PCDHA11: variants seen among roughly 807,000 people sequenced by gnomAD.
PCDHA11 encodes protocadherin alpha-11.
PCDHA11 carries 61 observed loss-of-function variants against 70.3 expected under a neutral mutation model. That is an observed-to-expected ratio of 0.87 (90% confidence interval 0.71 to 1.07). PCDHA11 has a LOEUF of 1.07. PCDHA11 is among the 50% of genes least tolerant of loss of function. The pLI is 0.00. For synonymous variants in PCDHA11, 633 were observed against 555.1 expected, an observed-to-expected ratio of 1.14 and a Z score of -1.97; for missense variants, 1,324 against 1,237.5, an observed-to-expected ratio of 1.07 and a Z score of -1.05.
rs2096830713 is a variant in PCDHA11 at position 140,978,969 on chromosome 5, C to G, written c.2412C>G (p.Asp804Glu). 4 of 1,614,092 alleles carry G rather than the reference C, an allele frequency of 2.5e-6. No homozygotes were observed. The highest frequency in any genetic ancestry group is 1.6e-4 in the Middle Eastern group (1 of 6,084). ...TGCAGCCACGACAGCCCAACCCTGACTGGCGTTACTCTGCCTCCCTGAGAG... is the reference window on the plus strand; with the variant it reads ...TGCAGCCACGACAGCCCAACCCTGAGTGGCGTTACTCTGCCTCCCTGAGAG... ...HPGQPRQPNP[D>E]WRYSASLRAG... The change falls in exon 2 of 4, where the codon GAC becomes GAG. Residue 804 changes from aspartate (D) to glutamate (E), a missense_variant. Coordinates refer to ENST00000398640, the MANE Select transcript of PCDHA11 (RefSeq NM_018902.5).
At chr5:140,998,769 G>A (rs1210690974) in intron 3 of PCDHA11, among the ~76,000 whole-genome samples, 1 of 152,054 alleles carries the variant, frequency 6.6e-6, no homozygotes, top group Non-Finnish European at 1.5e-5. Flanking sequence ...TCACTATGTT[G>A]GTCAGGCTGG....
intron 1 of PCDHA11, among the ~76,000 whole-genome samples, chr5:140,940,131 G>A (rs1443086111): frequency 7.2e-5 from 11 of 152,092 alleles, no homozygotes; most frequent in African/African-American, 2.4e-4. Context: ...ATTTCTGCTA[G>A]TGATAAACTA....
rs147537783 is a variant in PCDHA11 at position 140,982,491 on chromosome 5, G to C, written c.2467G>C (p.Glu823Gln). 1 of 1,614,076 alleles carries C rather than the reference G, an allele frequency of 6.2e-7. No individual in the cohort carries two copies. Among genetic ancestry groups the C allele is most frequent in the African/African-American group, 1.3e-5 (1 of 74,924 alleles). The change falls in exon 3 of 4, where the codon GAG becomes CAG. Residue 823 changes from glutamate to glutamine, a missense_variant. Physicochemically the swap from Glu to Gln is conservative, Grantham distance 29. Coordinates refer to ENST00000398640, the MANE Select transcript of PCDHA11 (RefSeq NM_018902.5). ...TTTATTCAGCTCTGTGCACCTAGAG[G>C]AGGCTGGCATTCTACGGGCTGGTCC... is the stretch of plus-strand genomic sequence containing the variant. ...AGMHSSVHLE[E>Q]AGILRAGPGG...
intron 1 of PCDHA11, chr5:140,928,426 TC>T (rs781827449): frequency 1.9e-6 from 3 of 1,614,134 alleles, no homozygotes; most frequent in South Asian, 2.2e-5. Context: ...TGCCAAAACT[TC>T]CTTTGACTTT....
chr5:140,969,264 C>T, intron 1 of PCDHA11: 1 of 1,614,208 alleles, frequency 6.2e-7, no homozygotes, highest in Non-Finnish European at 8.5e-7. Flanking sequence ...AGGAATCTCA[C>T]AGGCCAAAGT....
Position 141,010,327 on chromosome 5 carries a change from G to T in PCDHA11, c.*390G>T, listed in dbSNP as rs2098416942. 5 of 1,539,742 alleles carry T rather than the reference G, an allele frequency of 3.2e-6. No individual in the cohort carries two copies. The highest frequency in any genetic ancestry group is 2.4e-5 in the South Asian group (2 of 82,532). On this transcript the variant is annotated 3_prime_UTR_variant, in exon 4 of 4. Transcript: ENST00000398640. ...AAAGTTTTGAGATTGAGCAGCTTGGGAGTTTGTGGCCACTGGGTATGTGTG... is the reference window on the plus strand; with the variant it reads ...AAAGTTTTGAGATTGAGCAGCTTGGTAGTTTGTGGCCACTGGGTATGTGTG...
intron 1 of PCDHA11, among the ~76,000 whole-genome samples, chr5:140,972,712 G>T (rs1409880262): frequency 6.9e-6 from 1 of 144,630 alleles, no homozygotes; most frequent in East Asian, 2.0e-4. Context: ...TTGCCAGGCT[G>T]GAGTGCAGTG....
chr5:140,895,257 T>C (rs1180344268), intron 1 of PCDHA11, among the ~76,000 whole-genome samples: 2 of 152,212 alleles, frequency 1.3e-5, no homozygotes, highest in Non-Finnish European at 1.5e-5. Flanking sequence ...AGCTTTCTTT[T>C]TTTTCTTACT....
chr5:140,996,196 A>G (rs2097716509), intron 3 of PCDHA11, among the ~76,000 whole-genome samples: 2 of 152,216 alleles, frequency 1.3e-5, no homozygotes, highest in South Asian at 2.1e-4. Context: ...TATACCCTCA[A>G]TGCAAGGATA....
At chr5:140,924,318 G>A (rs550515387) in intron 1 of PCDHA11, among the ~76,000 whole-genome samples, 1 of 152,164 alleles carries the variant, frequency 6.6e-6, no homozygotes, top group East Asian at 1.9e-4. Context: ...AATTTTATCT[G>A]AGACTTGGTG....
intron 1 of PCDHA11, among the ~76,000 whole-genome samples, chr5:140,911,819 A>C (rs2075652599): frequency 6.6e-6 from 1 of 152,164 alleles, no homozygotes; most frequent in Admixed American, 6.6e-5. Context: ...CTTCTCCAGA[A>C]ACCCCAAAAC....
Position 140,959,365 on chromosome 5 carries a change from C to A in PCDHA11, c.2392-19584C>A, listed in dbSNP as rs77362755. On this transcript the variant is annotated intron_variant, in intron 1 of 3. Transcript: ENST00000398640. ...ACTCCAGCGGGACAACTGAGTGAGA[C>A]CCTGTCTCAAAAAAAAAAGTCACAA... Among the ~76,000 whole-genome samples the A allele has an allele frequency of 1.0e-3, 158 of 151,880 alleles. 5 individuals carry two copies. In the East Asian group the frequency reaches 0.028, roughly 27 times the overall value.
At chr5:140,924,244 C>G (rs1375839311) in intron 1 of PCDHA11, among the ~76,000 whole-genome samples, 1 of 152,152 alleles carries the variant, frequency 6.6e-6, no homozygotes, top group Non-Finnish European at 1.5e-5. Context: ...TGTTTTGCAT[C>G]CTGGTGAGAT....
chr5:140,940,208 A>C (rs1193106137), intron 1 of PCDHA11, among the ~76,000 whole-genome samples: 1 of 152,164 alleles, frequency 6.6e-6, no homozygotes, highest in Non-Finnish European at 1.5e-5. Context: ...AAAATTCAAG[A>C]TTGGCATTTA....
intron 1 of PCDHA11, among the ~76,000 whole-genome samples, chr5:140,961,949 T>G (rs868952671): frequency 2.0e-5 from 3 of 151,876 alleles, no homozygotes; most frequent in Non-Finnish European, 4.4e-5. Context: ...AGTGGCATGA[T>G]CTCGGCTCAC....
intron 1 of PCDHA11, among the ~76,000 whole-genome samples, chr5:140,977,958 C>T (rs1912706): frequency 0.036 from 5,518 of 152,194 alleles, 299 homozygotes; most frequent in African/African-American, 0.12. Context: ...AGGGCCACCT[C>T]AATCTCCGCC....
In PCDHA11 at chr5:140,870,544, G is replaced by T; in HGVS notation, c.1441G>T (p.Ala481Ser). ...CATCTTCACAGTGTCGGCGCGGGAC[G>T]CGGACGCGCAGGAGAACGCGCTGGT... ...CHIFTVSARD[A>S]DAQENALVSY... The change falls in exon 1 of 4, where the codon GCG becomes TCG. Residue 481 changes from alanine (A) to serine (S), a missense_variant. Transcript: ENST00000398640. The T allele has an allele frequency of 6.2e-7, 1 of 1,614,124 alleles. No homozygotes were observed.
rs564033882 is a variant in PCDHA11, at chr5:140,870,333, C to T, written c.1230C>T (p.Ser410=). 1.2e-6 allele frequency: 2 copies of T among 1,614,164 alleles called. No homozygotes were observed. Among genetic ancestry groups the T allele is most frequent in the South Asian group, 2.2e-5 (2 of 91,066 alleles). ...ATTACTACTCGTTGGTGCTGGACAGCGCCCTGGACCGCGAGAACGTGTGGG... is the reference window on the plus strand; with the variant it reads ...ATTACTACTCGTTGGTGCTGGACAGTGCCCTGGACCGCGAGAACGTGTGGG... ...FKNYYSLVLD[S]ALDRENVWAY... Residue 410 remains serine (S), a synonymous_variant, in exon 1 of 4, where the codon AGC becomes AGT. Transcript: ENST00000398640.
chr5:141,000,389 C>CTATA (rs2097911342), intron 3 of PCDHA11, among the ~76,000 whole-genome samples: 3 of 62,588 alleles, frequency 4.8e-5, no homozygotes, highest in Non-Finnish European at 8.6e-5. Flanking sequence ...CTCTCTCTCT[C>CTATA]TCTCTCTATA....
Sources: gnomAD v4.1 joint callset for allele counts (sites outside exome capture counted in the v4.1 genomes callset) on GRCh38, gnomAD v4.1.1 for gene constraint, MANE v1.5 for transcripts, NCBI Gene and HGNC (gene_info 2026-07-23, HGNC 2026-07-21) for gene names.